The following PLCH2 variants were observed in gnomAD, a reference collection of about 807,000 sequenced individuals.
PLCH2 encodes the protein phospholipase C eta 2, also known as 1-phosphatidylinositol 4,5-bisphosphate phosphodiesterase eta-2.
In PLCH2, 98 loss-of-function variants were observed where a neutral mutation model predicts 134.7. The observed-to-expected ratio is 0.73, with a 90% confidence interval of 0.62 to 0.86. The LOEUF (loss-of-function observed/expected upper bound fraction) is 0.86, where lower values mean the gene tolerates loss of function less well. PLCH2 is among the 40% of genes least tolerant of loss of function. The pLI, the probability that PLCH2 is intolerant of heterozygous loss-of-function variation, is 0.00. For synonymous variants in PLCH2, 974 were observed against 827.5 expected, an observed-to-expected ratio of 1.18 and a Z score of -3.04; for missense variants, 1,994 against 1,986.6, an observed-to-expected ratio of 1.00 and a Z score of -0.07.
At chr1:2,427,980 G>A (rs1251437026) in intron 1 of PLCH2, among the ~76,000 whole-genome samples, 1 of 152,202 alleles carries the variant, frequency 6.6e-6, no homozygotes, top group African/African-American at 2.4e-5. Flanking sequence ...CGAGGGCAGA[G>A]GTCCCTGCCT....
At chr1:2,471,621 A>G (rs1011328511), upstream of PLCH2, among the ~76,000 whole-genome samples, 2 of 152,162 alleles carry the variant, frequency 1.3e-5, no homozygotes, top group African/African-American at 2.4e-5. Flanking sequence ...CTGGGCCACC[A>G]GGGGAGCATG....
At chr1:2,467,725 G>T (rs893117029) in intron 1 of PLCH2, 3 of 401,404 alleles carry the variant, frequency 7.5e-6, no homozygotes. Flanking sequence ...GCCCAGGACC[G>T]GACCTGTTCA....
upstream of PLCH2, among the ~76,000 whole-genome samples, chr1:2,424,846 C>A (rs1452261439): frequency 6.6e-6 from 1 of 152,100 alleles, no homozygotes; most frequent in South Asian, 2.1e-4. Flanking sequence ...ATTAGCTGGG[C>A]ATGGTGGCGG....
chr1:2,433,964 C>T lies in PLCH2; in HGVS notation c.115+3335C>T, dbSNP rs1470924480. Among the ~76,000 whole-genome samples the T allele has an allele frequency of 2.7e-5, 4 of 145,790 alleles. No homozygotes were observed. The East Asian group carries it at 8.4e-4, about 31-fold the overall frequency. On this transcript the variant is annotated intron_variant, in intron 2 of 3. Transcript: ENST00000609981. ...GGCTTTGAGTGTCTGCCTCATGCTC[C>T]GAAGGGCAGCAGTGCAGTCTCCCCG...
the PLCH2 span, among the ~76,000 whole-genome samples, chr1:2,419,691 C>G: frequency 6.6e-6 from 1 of 152,262 alleles, no homozygotes; most frequent in East Asian, 1.9e-4. Context: ...CATCCACAGA[C>G]CCGGGGGCCA....
rs1640026661 is a variant in PLCH2, at chr1:2,448,158, G to A, written c.115+17529G>A. 6.6e-6 allele frequency among the ~76,000 whole-genome samples: 1 copy of A among 152,212 alleles called. No homozygotes were observed. Among genetic ancestry groups the A allele is most frequent in the Non-Finnish European group, 1.5e-5 (1 of 68,022 alleles). On this transcript the variant is annotated intron_variant, in intron 2 of 3. Coordinates refer to the PLCH2 transcript ENST00000609981. The surrounding 1 kb of genome is among the most constrained non-coding windows in gnomAD (Gnocchi z 4.0). ...CCCTTGCCCTCCTGGAGCGCCAGGT[G>A]CCCCGGGTGTCTGGAGCACCACGAC...
the PLCH2 span, among the ~76,000 whole-genome samples, chr1:2,418,371 G>A: frequency 6.4e-4 from 98 of 152,334 alleles, 2 homozygotes; most frequent in African/African-American, 2.1e-3. Flanking sequence ...CTGGATGCCA[G>A]GGTCAGGCAT....
intron 2 of PLCH2, among the ~76,000 whole-genome samples, chr1:2,457,561 C>T (rs1640554615): frequency 2.0e-5 from 3 of 152,170 alleles, no homozygotes; most frequent in Admixed American, 1.3e-4. Flanking sequence ...CGGGACGGGG[C>T]CGCACCCACC....
chr1:2,488,973 C>T (rs1642420780), intron 8 of PLCH2, among the ~76,000 whole-genome samples: 1 of 152,188 alleles, frequency 6.6e-6, no homozygotes, highest in African/African-American at 2.4e-5. Context: ...CTCATGCTCT[C>T]TTTACCAGTC....
chr1:2,494,310 A>G (rs1642752255), intron 11 of PLCH2: 1 of 170,612 alleles, frequency 5.9e-6, no homozygotes, highest in Non-Finnish European at 1.3e-5. Flanking sequence ...TCTGCTACTT[A>G]TACAGCGGTA....
intron 20 of PLCH2, chr1:2,501,777 G>A (rs1643237765): frequency 3.5e-6 from 1 of 287,912 alleles, no homozygotes. Flanking sequence ...GGGGCTCGAG[G>A]TCTCTCCTCC....
intron 8 of PLCH2, among the ~76,000 whole-genome samples, chr1:2,488,745 C>A (rs755410852): frequency 6.6e-6 from 1 of 152,180 alleles, no homozygotes; most frequent in Non-Finnish European, 1.5e-5. Context: ...GCTTATGTCT[C>A]CTTCTTTATG....
chr1:2,465,252 G>A (rs1641002029), upstream of PLCH2, among the ~76,000 whole-genome samples: 1 of 152,180 alleles, frequency 6.6e-6, no homozygotes, highest in Non-Finnish European at 1.5e-5. Context: ...GCCAAATCCA[G>A]CCTTAGACTG....
At chr1:2,503,382 G>C (rs1643345656) in intron 21 of PLCH2, 1 of 586,964 alleles carries the variant, frequency 1.7e-6, no homozygotes, top group Non-Finnish European at 3.0e-6. Context: ...GGCAGGTAGT[G>C]CAGCTGCTGG....
Position 2,504,123 on chromosome 1 carries a change from G to T in PLCH2, c.3161G>T (p.Ser1054Ile), listed in dbSNP as rs772527798. The change falls in exon 22 of 22, where the codon AGC becomes ATC. Residue 1054 changes from serine to isoleucine, a missense_variant. Physicochemically the swap from Ser to Ile is moderately radical, Grantham distance 142. Transcript: ENST00000378486. Reference protein sequence around the residue: ...PLEDTEEPRDSRPRPCNGEGA... With the variant: ...PLEDTEEPRDIRPRPCNGEGA... Reference sequence around the variant, plus strand: ...GAGGACACTGAGGAGCCCCGAGACAGCAGGCCTCGGCCGTGCAACGGCGAG... The same window carrying T: ...GAGGACACTGAGGAGCCCCGAGACATCAGGCCTCGGCCGTGCAACGGCGAG... 1 of 1,517,610 alleles carries T rather than the reference G, an allele frequency of 6.6e-7. No individual in the cohort carries two copies. Among genetic ancestry groups the T allele is most frequent in the South Asian group, 1.2e-5 (1 of 80,668 alleles). The allele number at this position is 1,517,610 out of a possible 1,614,324, so 94.0% of individuals were successfully genotyped here.
In PLCH2 at chr1:2,448,419, C is replaced by A. The variant is rs1048621645; in HGVS notation, c.115+17790C>A. Among the ~76,000 whole-genome samples the A allele has an allele frequency of 1.3e-5, 2 of 152,138 alleles. No homozygotes were observed. The highest frequency in any genetic ancestry group is 1.9e-4 in the East Asian group (1 of 5,182). On this transcript the variant is annotated intron_variant, in intron 2 of 3. Transcript: ENST00000609981. The surrounding 1 kb of genome is among the most constrained non-coding windows in gnomAD (Gnocchi z 4.0). ...CCTCCTGCTTCTGCCTGTCTTCCCT[C>A]GCCCTTCTCTCCGTCTTCTCTTGCG...
chr1:2,429,250 T>C (rs559384607), intron 1 of PLCH2, among the ~76,000 whole-genome samples: 2 of 152,152 alleles, frequency 1.3e-5, no homozygotes, highest in Non-Finnish European at 2.9e-5. Flanking sequence ...TGGCTGTTCT[T>C]CCCACCTGGC....
upstream of PLCH2, among the ~76,000 whole-genome samples, chr1:2,424,816 T>A (rs1311791821): frequency 6.6e-6 from 1 of 152,030 alleles, no homozygotes; most frequent in Non-Finnish European, 1.5e-5. Flanking sequence ...TGAAACCCTG[T>A]CTCTACTAAA....
Position 2,505,161 on chromosome 1 carries a change from C to T in PLCH2, c.4199C>T (p.Ala1400Val). ...GATGCACCAGCACCCTCCAAGGGAG[C>T]CCTCGGGCCAGCATCCGCGGCTGCT... ...SVDAPAPSKG[A>V]LGPASAAAEN... Residue 1400 changes from alanine (A) to valine (V), a missense_variant, in exon 22 of 22, where the codon GCC becomes GTC. This residue lies in a region of PLCH2 where 900 missense variants were observed against 752.3 expected (regional missense o/e 1.20). Transcript: ENST00000378486. The T allele has an allele frequency of 6.4e-7, 1 of 1,567,480 alleles. No individual in the cohort carries two copies. Among genetic ancestry groups the T allele is most frequent in the Non-Finnish European group, 8.6e-7 (1 of 1,166,622 alleles).
Sources: allele counts gnomAD v4.1 joint callset (sites outside exome capture counted in the v4.1 genomes callset), GRCh38; gene constraint gnomAD v4.1.1; regional missense constraint gnomAD v4.1.1; non-coding constraint Gnocchi (gnomAD v3.1); transcripts MANE v1.5; gene names NCBI Gene and HGNC (gene_info 2026-07-23, HGNC 2026-07-21).